The following CSGALNACT1 variants were observed in gnomAD, a reference collection of about 807,000 sequenced individuals.
CSGALNACT1 encodes the protein beta4GalNAcT-1.
Under a neutral mutation model 51.0 loss-of-function variants are expected in CSGALNACT1, and 52 were observed. The observed-to-expected ratio is 1.02, with a 90% CI of 0.82 to 1.29. The LOEUF is 1.29. Ranked by LOEUF, CSGALNACT1 falls within the 50% of genes most tolerant of loss-of-function variation. The probability of loss-of-function intolerance (pLI) is 0.00; values close to 1 mark genes in which losing one functional copy is unlikely to be tolerated. For synonymous variants in CSGALNACT1, 341 were observed against 254.4 expected (o/e 1.34, Z -3.24); for missense variants, 935 against 679.2 (o/e 1.38, Z -4.19).
At chr8:19,723,255 A>T (rs575145373) in intron 1 of CSGALNACT1, among the ~76,000 whole-genome samples, 1 of 152,290 alleles carries the variant, frequency 6.6e-6, no homozygotes, top group Admixed American at 6.5e-5. Flanking sequence ...TGGGGTATAC[A>T]CCCAAATAAA....
At chr8:19,494,329 T>G (rs571384285) in intron 4 of CSGALNACT1, among the ~76,000 whole-genome samples, 1 of 152,122 alleles carries the variant, frequency 6.6e-6, no homozygotes. Context: ...ATCTTTGGCC[T>G]ACACCAATTC....
chr8:19,528,664 C>A lies in CSGALNACT1; in HGVS notation c.-296-22534G>T, dbSNP rs933528350. Among the ~76,000 whole-genome samples, 6 of 152,110 alleles carry A rather than the reference C, an allele frequency of 3.9e-5. No homozygotes were observed. The South Asian group carries it at 1.2e-3, about 31-fold the overall frequency. The stretch of plus-strand genomic sequence containing the variant: ...CCACCCCCAAATCATCCAACCAAGA[C>A]CCAAATCTGTATGATGGGTTCTCCC... On this transcript the variant is annotated intron_variant, in intron 3 of 9. Coordinates refer to ENST00000454498, the Ensembl canonical transcript of CSGALNACT1.
Position 19,541,553 on chromosome 8 carries a change from ATTTTTT to A in CSGALNACT1, c.-296-35429_-296-35424del, listed in dbSNP as rs1159626193. ...AGGTGTGAGCCACCGTGCTCAGCCA[ATTTTTT>A]TTTTTTTTTTTTTTTTTTTTAGTAG... On this transcript the variant is annotated intron_variant, in intron 3 of 9. Transcript: ENST00000454498. Among the ~76,000 whole-genome samples, 27 of 70,100 alleles carry A rather than the reference ATTTTTT, an allele frequency of 3.9e-4. 1 individual carries two copies. Among genetic ancestry groups the A allele is most frequent in the African/African-American group, 1.6e-3 (24 of 14,794 alleles). 46.0% of individuals were successfully genotyped at this position (70,100 alleles called of 152,430 possible).
At chr8:19,405,704 CT>C (rs766591802) in exon 10 of CSGALNACT1, 20 of 1,586,324 alleles carry the variant, frequency 1.3e-5, no homozygotes, top group Non-Finnish European at 1.6e-5. Flanking sequence ...TTATGGAAGT[CT>C]TTTCTCTGTT....
intron 1 of CSGALNACT1, among the ~76,000 whole-genome samples, chr8:19,687,670 G>T (rs1462364238): frequency 6.6e-6 from 1 of 152,174 alleles, no homozygotes; most frequent in Admixed American, 6.5e-5. Flanking sequence ...AAGACATGCA[G>T]TTCCAGAAAT....
chr8:19,476,495 C>G (rs4540423), intron 4 of CSGALNACT1, among the ~76,000 whole-genome samples: 118,787 of 152,036 alleles, frequency 0.78, 46,681 homozygotes, highest in East Asian at 0.87. Flanking sequence ...ACCCACCTCA[C>G]CCTCCCAAAG....
rs141818799 is a variant in CSGALNACT1, at chr8:19,443,409, T to C, written c.852-3478A>G. The stretch of plus-strand genomic sequence containing the variant: ...CCTCAGTATCTGTATTAGTCTATTC[T>C]CATGCTGCTAATAAAGACATACCCA... On this transcript the variant is annotated intron_variant, in intron 5 of 9. Transcript: ENST00000454498. Among the ~76,000 whole-genome samples the C allele has an allele frequency of 2.0e-5, 3 of 152,310 alleles. No homozygotes were observed. In the East Asian group the frequency reaches 5.8e-4, roughly 29 times the overall value.
chr8:19,484,163 T>C (rs548837548), intron 4 of CSGALNACT1, among the ~76,000 whole-genome samples: 10 of 127,278 alleles, frequency 7.9e-5, no homozygotes, highest in African/African-American at 2.7e-4. Flanking sequence ...TTTTACTTAA[T>C]AATGGCCCCT....
At chr8:19,517,698 C>G (rs537532675) in intron 3 of CSGALNACT1, among the ~76,000 whole-genome samples, 1 of 152,262 alleles carries the variant, frequency 6.6e-6, no homozygotes, top group East Asian at 1.9e-4. Context: ...AGAGCCAAGC[C>G]AAAGGGGTTT....
At chr8:19,554,200 A>G (rs1459053006) in intron 3 of CSGALNACT1, among the ~76,000 whole-genome samples, 1 of 152,226 alleles carries the variant, frequency 6.6e-6, no homozygotes, top group African/African-American at 2.4e-5. Flanking sequence ...AAAAAGTACA[A>G]GTTATCTGCA....
At chr8:19,631,951 G>T (rs1169717580) in intron 1 of CSGALNACT1, among the ~76,000 whole-genome samples, 1 of 152,160 alleles carries the variant, frequency 6.6e-6, no homozygotes, top group Non-Finnish European at 1.5e-5. Context: ...TGCAATCTGG[G>T]ACAAGAGAAA....
chr8:19,542,366 A>C (rs2085411912), intron 3 of CSGALNACT1, among the ~76,000 whole-genome samples: 1 of 152,176 alleles, frequency 6.6e-6, no homozygotes. Context: ...AAGAATGTTT[A>C]TTTCACAGAA....
rs376213218 is a variant in CSGALNACT1, at chr8:19,588,253, C to CAT, written c.-297+2905_-297+2906dup. 3.6e-3 allele frequency among the ~76,000 whole-genome samples: 541 copies of CAT among 152,130 alleles called. 2 individuals carry two copies. The highest frequency in any genetic ancestry group is 0.012 in the African/African-American group (509 of 41,476). On this transcript the variant is annotated intron_variant, in intron 3 of 9. Coordinates refer to ENST00000454498, the Ensembl canonical transcript of CSGALNACT1. Reference sequence around the variant, plus strand: ...ATATATACATATACTCACACAAACACATATATATACATACACACCAATGAA... The same window carrying CAT: ...ATATATACATATACTCACACAAACACATATATATATACATACACACCAATGAA...
chr8:19,513,436 C>CTCTCTA lies in CSGALNACT1; in HGVS notation c.-296-7307_-296-7306insTAGAGA. Among the ~76,000 whole-genome samples the CTCTCTA allele has an allele frequency of 3.1e-3, 253 of 81,952 alleles. 2 individuals are homozygous for CTCTCTA. Among genetic ancestry groups the CTCTCTA allele is most frequent in the African/African-American group, 5.6e-3 (155 of 27,546 alleles). The allele number at this position is 81,952 out of a possible 152,430, so 53.8% of individuals were successfully genotyped here. A position where few individuals can be genotyped will look rare whatever the true frequency, so the allele number is the denominator to read the frequency against. Reference sequence around the variant, plus strand: ...TCTCACTCTCTCTCTCTCTCTCTCTCTATATATATATATATATATATATAT... The same window carrying CTCTCTA: ...TCTCACTCTCTCTCTCTCTCTCTCTCTCTCTATATATATATATATATATATATATAT... On this transcript the variant is annotated intron_variant, in intron 3 of 9. Coordinates refer to ENST00000454498, the Ensembl canonical transcript of CSGALNACT1.
intron 1 of CSGALNACT1, among the ~76,000 whole-genome samples, chr8:19,710,809 C>T (rs957082185): frequency 3.3e-5 from 5 of 152,182 alleles, no homozygotes; most frequent in African/African-American, 1.2e-4. Context: ...CATTTGCGCT[C>T]CTGTTATATT....
chr8:19,595,061 C>T (rs192828953), intron 2 of CSGALNACT1, among the ~76,000 whole-genome samples: 40 of 152,278 alleles, frequency 2.6e-4, no homozygotes, highest in African/African-American at 9.6e-4. Flanking sequence ...GGACATTCTT[C>T]CAATAGATTC....
rs145159465 is a variant in CSGALNACT1 at position 19,467,827 on chromosome 8, A to T, written c.635-9185T>A. Reference sequence around the variant, plus strand: ...TGGTGAAATCCTGTCTCCACAAAAAATACTAAAAATTAGCCAGGCATGGTT... The same window carrying T: ...TGGTGAAATCCTGTCTCCACAAAAATTACTAAAAATTAGCCAGGCATGGTT... On this transcript the variant is annotated intron_variant, in intron 4 of 9. Coordinates refer to ENST00000454498, the Ensembl canonical transcript of CSGALNACT1. 7.8e-4 allele frequency among the ~76,000 whole-genome samples: 119 copies of T among 152,232 alleles called. 3 individuals carry two copies. The East Asian group carries it at 0.019, about 24-fold the overall frequency.
chr8:19,495,466 G>T (rs1165266362), intron 4 of CSGALNACT1, among the ~76,000 whole-genome samples: 6 of 152,316 alleles, frequency 3.9e-5, no homozygotes, highest in African/African-American at 1.4e-4. Flanking sequence ...ATCCAGGGAT[G>T]TAACTGTGAA....
chr8:19,522,373 C>G (rs774733720), intron 3 of CSGALNACT1, among the ~76,000 whole-genome samples: 2 of 152,114 alleles, frequency 1.3e-5, no homozygotes, highest in African/African-American at 4.8e-5. Flanking sequence ...AATTTTAAAT[C>G]AAAATAACTC....
Sources: allele counts gnomAD v4.1 joint callset (sites outside exome capture counted in the v4.1 genomes callset), GRCh38; gene constraint gnomAD v4.1.1; transcripts MANE v1.5; gene names NCBI Gene and HGNC (gene_info 2026-07-23, HGNC 2026-07-21).